Variants in OSBPL6 observed in about 807,000 individuals in gnomAD.
OSBPL6 encodes the protein oxysterol binding protein like 6, also known as oxysterol-binding protein-related protein 6.
A neutral mutation model predicts 125.8 loss-of-function variants in OSBPL6; 49 were observed. The observed-to-expected ratio is 0.39, with a 90% CI of 0.31 to 0.49. The LOEUF is 0.49. Ranked by LOEUF, OSBPL6 falls within the 20% of genes least tolerant of loss-of-function variation. The pLI is 0.88. For synonymous variants in OSBPL6, 394 were observed against 391.8 expected (o/e 1.01, Z -0.07); for missense variants, 986 against 1,135.4 (o/e 0.87, Z 1.89).
chr2:178,293,942 A>G (rs1685506061), intron 2 of OSBPL6, among the ~76,000 whole-genome samples: 1 of 152,180 alleles, frequency 6.6e-6, no homozygotes, highest in South Asian at 2.1e-4. Flanking sequence ...ATATAAAATT[A>G]ACTCAAAATA....
At chr2:178,257,155 T>C (rs944371800) in intron 1 of OSBPL6, among the ~76,000 whole-genome samples, 2 of 152,198 alleles carry the variant, frequency 1.3e-5, no homozygotes, top group Non-Finnish European at 2.9e-5. Flanking sequence ...CTGTATAAAC[T>C]CATGAATATT....
rs192400623 is a variant in OSBPL6 at position 178,265,062 on chromosome 2, T to C, written c.-350-19865T>C. 2.1e-3 allele frequency among the ~76,000 whole-genome samples: 313 copies of C among 151,164 alleles called. 1 individual carries two copies. Among genetic ancestry groups the C allele is most frequent in the Non-Finnish European group, 3.5e-3 (235 of 67,770 alleles). On this transcript the variant is annotated intron_variant, in intron 1 of 24. Coordinates refer to ENST00000190611, the MANE Select transcript of OSBPL6 (RefSeq NM_032523.4). ...TTTTTTTTCACTTTTTTTTTAGAGA[T>C]GAGGTCTTACTCTGTTGCTATGTTG... is the stretch of plus-strand genomic sequence containing the variant.
At chr2:178,226,481 C>T (rs947290215) in intron 1 of OSBPL6, among the ~76,000 whole-genome samples, 1 of 152,192 alleles carries the variant, frequency 6.6e-6, no homozygotes, top group African/African-American at 2.4e-5. Context: ...ACAGTGTGCA[C>T]ATATCCCTGT....
chr2:178,228,505 G>A (rs334039), intron 1 of OSBPL6, among the ~76,000 whole-genome samples: 30,550 of 152,120 alleles, frequency 0.2, 3,105 homozygotes, highest in East Asian at 0.29. Context: ...ACTGCACTCC[G>A]GCCAGGGTGA....
At chr2:178,379,285 A>AAAGAAAG (rs1553574867) in intron 15 of OSBPL6, among the ~76,000 whole-genome samples, 2 of 141,808 alleles carry the variant, frequency 1.4e-5, no homozygotes, top group Non-Finnish European at 3.1e-5. Flanking sequence ...GAAAGAAAGA[A>AAAGAAAG]AAGAAAGAAA....
chr2:178,321,176 A>G (rs773756482), intron 3 of OSBPL6, among the ~76,000 whole-genome samples: 1 of 152,208 alleles, frequency 6.6e-6, no homozygotes, highest in Non-Finnish European at 1.5e-5. Context: ...ATTCCAAGAT[A>G]AAGCTGGAAG....
At chr2:178,388,616 C>A (rs1695144572) in intron 20 of OSBPL6, among the ~76,000 whole-genome samples, 1 of 152,212 alleles carries the variant, frequency 6.6e-6, no homozygotes, top group African/African-American at 2.4e-5. Flanking sequence ...GAAACCCAGC[C>A]TCTTCTAAGG....
At chr2:178,347,658 G>A (rs757829963) in intron 11 of OSBPL6, among the ~76,000 whole-genome samples, 1 of 152,204 alleles carries the variant, frequency 6.6e-6, no homozygotes, top group African/African-American at 2.4e-5. Flanking sequence ...TTCCAGCAGA[G>A]TATTGAACCC....
intron 1 of OSBPL6, among the ~76,000 whole-genome samples, chr2:178,211,275 CA>C (rs1186441416): frequency 2.0e-5 from 3 of 152,154 alleles, no homozygotes; most frequent in Non-Finnish European, 4.4e-5. Context: ...ATCTCAAAAA[CA>C]AACAAACAAA....
In OSBPL6 at chr2:178,395,807, C is replaced by G. The variant is rs745722832; in HGVS notation, c.*248C>G. 24 of 465,926 alleles carry G rather than the reference C, an allele frequency of 5.2e-5. No homozygotes were observed. Among genetic ancestry groups the G allele is most frequent in the Non-Finnish European group, 6.0e-5 (15 of 250,642 alleles). 28.9% of individuals were successfully genotyped at this position (465,926 alleles called of 1,614,324 possible). A position where few individuals can be genotyped will look rare whatever the true frequency, so the allele number is the denominator to read the frequency against. Reference sequence around the variant, plus strand: ...AAAAAAAAAAAAAAAAAAATCCACACCGTCCTTGGAAAGCAGAATAAAAGG... The same window carrying G: ...AAAAAAAAAAAAAAAAAAATCCACAGCGTCCTTGGAAAGCAGAATAAAAGG... On this transcript the variant is annotated 3_prime_UTR_variant, in exon 25 of 25. Transcript: ENST00000190611.
At chr2:178,251,164 C>T (rs944474038) in intron 1 of OSBPL6, among the ~76,000 whole-genome samples, 13 of 151,922 alleles carry the variant, frequency 8.6e-5, no homozygotes, top group African/African-American at 2.7e-4. Flanking sequence ...GAAGGGGGAT[C>T]CATGCTGGAG....
chr2:178,360,375 G>T (rs537185689), intron 12 of OSBPL6, among the ~76,000 whole-genome samples: 2 of 152,164 alleles, frequency 1.3e-5, no homozygotes, highest in Admixed American at 6.5e-5. Context: ...CAGCGCGGTG[G>T]GGGGGCGGGA....
At position 178,396,435 on chromosome 2, in the gene OSBPL6, G is replaced by GA. The variant is rs925600022; in HGVS notation, c.*881dup. 1.3e-5 allele frequency: 2 copies of GA among 152,088 alleles called. No homozygotes were observed. Among genetic ancestry groups the GA allele is most frequent in the African/African-American group, 4.8e-5 (2 of 41,400 alleles). 9.4% of individuals were successfully genotyped at this position (152,088 alleles called of 1,614,324 possible). A position where few individuals can be genotyped will look rare whatever the true frequency, so the allele number is the denominator to read the frequency against. On this transcript the variant is annotated 3_prime_UTR_variant, in exon 25 of 25. Transcript: ENST00000190611. Reference sequence around the variant, plus strand: ...ACCTCACAGTGTGCCCTATTATTTGGAAAAATCTGTCTTTGATTTGGACAT... The same window carrying GA: ...ACCTCACAGTGTGCCCTATTATTTGGAAAAAATCTGTCTTTGATTTGGACAT...
At chr2:178,296,866 C>T (rs984357995) in intron 2 of OSBPL6, among the ~76,000 whole-genome samples, 7 of 152,126 alleles carry the variant, frequency 4.6e-5, no homozygotes, top group Non-Finnish European at 7.4e-5. Context: ...CACTCATGCT[C>T]GAATGCCCAA....
intron 2 of OSBPL6, among the ~76,000 whole-genome samples, chr2:178,289,016 C>CTTTTT (rs58943076): frequency 3.8e-5 from 5 of 130,606 alleles, no homozygotes; most frequent in African/African-American, 8.6e-5. Context: ...TCTTTTTCTT[C>CTTTTT]TTTTTTTTTT....
At chr2:178,213,705 G>A (rs2886582) in intron 1 of OSBPL6, among the ~76,000 whole-genome samples, 6,167 of 152,298 alleles carry the variant, frequency 0.04, 171 homozygotes, top group Middle Eastern at 0.11. Flanking sequence ...ACCAATCATT[G>A]TCTTTTATTT....
At chr2:178,346,616 T>C (rs1690742221) in intron 11 of OSBPL6, among the ~76,000 whole-genome samples, 1 of 152,184 alleles carries the variant, frequency 6.6e-6, no homozygotes, top group African/African-American at 2.4e-5. Context: ...AAATTGAGTG[T>C]TGAGGGTTCT....
chr2:178,241,601 A>T (rs1442170012), intron 1 of OSBPL6, among the ~76,000 whole-genome samples: 1 of 151,838 alleles, frequency 6.6e-6, no homozygotes, highest in Non-Finnish European at 1.5e-5. Context: ...TTTTTAGTAG[A>T]GACGGGGTTT....
intron 3 of OSBPL6, chr2:178,320,282 C>T: frequency 1.2e-6 from 2 of 1,611,738 alleles, no homozygotes; most frequent in Non-Finnish European, 8.5e-7. Flanking sequence ...GATCAATGAA[C>T]ACTAACCTGA....
Sources: allele counts gnomAD v4.1 joint callset (sites outside exome capture counted in the v4.1 genomes callset), GRCh38; gene constraint gnomAD v4.1.1; transcripts MANE v1.5; gene names NCBI Gene and HGNC (gene_info 2026-07-23, HGNC 2026-07-21).